The following CETP variants were observed in gnomAD, a reference collection of about 807,000 sequenced individuals.
CETP encodes cholesteryl ester transfer protein.
CETP carries 56 observed loss-of-function variants against 66.5 expected under a neutral mutation model. The ratio of observed to expected loss-of-function variants is 0.84; its 90% CI spans 0.68 to 1.05. The LOEUF (loss-of-function observed/expected upper bound fraction) is 1.05, where lower values mean the gene tolerates loss of function less well. Among genes scored for constraint, CETP ranks in the 50% least tolerant of loss-of-function variants. CETP has a pLI of 0.00. For synonymous variants in CETP, 251 were observed against 245.7 expected, an observed-to-expected ratio of 1.02 and a Z score of -0.20; for missense variants, 612 against 609.6, an observed-to-expected ratio of 1.00 and a Z score of -0.04.
intron 2 of CETP, among the ~76,000 whole-genome samples, chr16:56,967,338 T>C (rs17231611): frequency 0.028 from 3,878 of 139,680 alleles, 102 homozygotes; most frequent in African/African-American, 0.079. Context: ...AGAGCAAAAT[T>C]CTGTCACACA....
chr16:56,978,085 C>T lies in CETP; in HGVS notation c.982-6C>T, dbSNP rs1436692591. On this transcript the variant is annotated splice_region_variant and splice_polypyrimidine_tract_variant and intron_variant, in intron 10 of 15. Transcript: ENST00000200676. ...GTCCTGGCCATGGGACCCCTGTCTT[C>T]CACAGGTTGTCGGCGGCTTCCCCAG... is the stretch of plus-strand genomic sequence containing the variant. 2 of 1,613,904 alleles carry T rather than the reference C, an allele frequency of 1.2e-6. No individual in the cohort carries two copies. Among genetic ancestry groups the T allele is most frequent in the Non-Finnish European group, 1.7e-6 (2 of 1,179,928 alleles).
At position 56,973,525 on chromosome 16, in the gene CETP, C is replaced by T. The variant is rs1305543390; in HGVS notation, c.930+15C>T. 1.2e-6 allele frequency: 2 copies of T among 1,613,824 alleles called. No individual in the cohort carries two copies. Among genetic ancestry groups the T allele is most frequent in the Admixed American group, 1.7e-5 (1 of 59,986 alleles). The stretch of plus-strand genomic sequence containing the variant: ...ACGAGTTCAAGGTGAGTGGGTGGGG[C>T]TGGGCTGCTAGGGGATCCAGATGGC... On this transcript the variant is annotated intron_variant, in intron 9 of 15. Transcript: ENST00000200676.
At chr16:56,980,452 A>G (rs2056179610) in intron 11 of CETP, among the ~76,000 whole-genome samples, 1 of 152,214 alleles carries the variant, frequency 6.6e-6, no homozygotes, top group Non-Finnish European at 1.5e-5. Flanking sequence ...GATTATAGGC[A>G]TGAGCCACTG....
chr16:56,969,912 A>T lies in CETP; in HGVS notation c.440-2A>T. 6.2e-7 allele frequency: 1 copy of T among 1,613,984 alleles called. No individual in the cohort carries two copies. Among genetic ancestry groups the T allele is most frequent in the Non-Finnish European group, 8.5e-7 (1 of 1,179,912 alleles). ...CTGAGGTCATGTCGGGTCTCCCTGCAGCCTGTGACTCTGGTAGAGTGCGGA... is the reference window on the plus strand; with the variant it reads ...CTGAGGTCATGTCGGGTCTCCCTGCTGCCTGTGACTCTGGTAGAGTGCGGA... On this transcript the variant is annotated splice_acceptor_variant, in intron 4 of 15. Coordinates refer to ENST00000200676, the MANE Select transcript of CETP (RefSeq NM_000078.3). LOFTEE classifies it high-confidence loss of function.
At chr16:56,968,192 C>G (rs1458267848) in intron 2 of CETP, among the ~76,000 whole-genome samples, 7 of 151,644 alleles carry the variant, frequency 4.6e-5, no homozygotes, top group African/African-American at 1.7e-4. Flanking sequence ...TTTTGTCAAT[C>G]TATTTTTTTT....
At chr16:56,962,946 T>A in intron 1 of CETP, 64 bp from the exon 2 acceptor site, 1 of 1,437,310 alleles carries the variant, frequency 7.0e-7, no homozygotes, top group South Asian at 1.1e-5. Context: ...CAAGGCCAGT[T>A]GGGGGTGGGA....
At chr16:56,977,973 T>C (rs531974899) in intron 10 of CETP, 118 bp from the exon 11 acceptor site, 530 of 1,257,540 alleles carry the variant, frequency 4.2e-4, no homozygotes, top group Middle Eastern at 8.3e-4. Flanking sequence ...CCCGAGCTAC[T>C]TCCTTTTCCC....
chr16:56,968,751 C>G (rs9926440), intron 2 of CETP, among the ~76,000 whole-genome samples: 87,467 of 142,442 alleles, frequency 0.61, 28,071 homozygotes, highest in Non-Finnish European at 0.71. Context: ...TTTTGCCAGT[C>G]TAGCTAAAGG....
chr16:56,981,068 G>A, intron 11 of CETP, 90 bp from the exon 12 acceptor site: 1 of 950,742 alleles, frequency 1.1e-6, no homozygotes, highest in Non-Finnish European at 1.7e-6. Context: ...CAGTCCCTCA[G>A]TGGAAAGAAT....
At chr16:56,974,516 T>C (rs1328206654) in intron 9 of CETP, among the ~76,000 whole-genome samples, 2 of 152,220 alleles carry the variant, frequency 1.3e-5, no homozygotes, top group African/African-American at 2.4e-5. Context: ...GATGGATAGA[T>C]AGACAGAGTG....
intron 7 of CETP, 78 bp downstream of exon 7, chr16:56,971,459 G>A (rs1389735016): frequency 8.7e-6 from 11 of 1,261,058 alleles, no homozygotes; most frequent in Non-Finnish European, 1.3e-5. Flanking sequence ...ATGTGGCCTT[G>A]GGACTGTCAC....
chr16:56,965,609 G>T (rs565689325), intron 2 of CETP, among the ~76,000 whole-genome samples: 9 of 152,192 alleles, frequency 5.9e-5, no homozygotes, highest in Non-Finnish European at 1.3e-4. Flanking sequence ...CTCGTGGGTA[G>T]CTGTGAGGAT....
At chr16:56,978,557 T>C (rs752043468) in intron 11 of CETP, among the ~76,000 whole-genome samples, 1 of 152,078 alleles carries the variant, frequency 6.6e-6, no homozygotes, top group Non-Finnish European at 1.5e-5. Flanking sequence ...CATAGCTCAC[T>C]GCAGCCTCGA....
At chr16:56,975,238 C>T in intron 10 of CETP, 87 bp downstream of exon 10, 1 of 1,103,020 alleles carries the variant, frequency 9.1e-7, no homozygotes, top group Non-Finnish European at 1.4e-6. Context: ...GCCAATAACA[C>T]CACCAATGGC....
At chr16:56,975,220 C>T in intron 10 of CETP, 69 bp downstream of exon 10, 1 of 1,331,536 alleles carries the variant, frequency 7.5e-7, no homozygotes, top group Non-Finnish European at 1.1e-6. Flanking sequence ...TTCAAGAGCC[C>T]CCACACAGCC....
chr16:56,971,880 C>A, intron 7 of CETP, 112 bp from the exon 8 acceptor site: 2 of 929,550 alleles, frequency 2.2e-6, no homozygotes, highest in Non-Finnish European at 1.8e-6. Flanking sequence ...TCCCACTTTA[C>A]AGAGGGGAAC....
intron 11 of CETP, among the ~76,000 whole-genome samples, chr16:56,979,564 G>T (rs2056173705): frequency 1.3e-5 from 2 of 151,742 alleles, no homozygotes; most frequent in African/African-American, 4.8e-5. Flanking sequence ...AGGCTGGAGT[G>T]CAGTGGTGCA....
intron 1 of CETP, 123 bp downstream of exon 1, chr16:56,962,220 G>A (rs1257688981): frequency 2.3e-6 from 2 of 858,612 alleles, no homozygotes; most frequent in Admixed American, 3.4e-5. Context: ...AGAGAGAGGA[G>A]TGCCCTGGGA....
chr16:56,975,894 C>T (rs1448982471), intron 10 of CETP, among the ~76,000 whole-genome samples: 1 of 152,200 alleles, frequency 6.6e-6, no homozygotes, highest in Non-Finnish European at 1.5e-5. Flanking sequence ...CCCCACGTCG[C>T]TGCTCCCAGT....
Sources: allele counts gnomAD v4.1 joint callset (sites outside exome capture counted in the v4.1 genomes callset), GRCh38; gene constraint gnomAD v4.1.1; transcripts MANE v1.5; gene names NCBI Gene and HGNC (gene_info 2026-07-23, HGNC 2026-07-21).